Variants in RINL observed in about 807,000 individuals in gnomAD.
RINL encodes ras and Rab interactor-like protein.
Under a neutral mutation model 58.1 loss-of-function variants are expected in RINL, and 39 were observed. The observed-to-expected ratio is 0.67, with a 90% CI of 0.52 to 0.88. The LOEUF is 0.88. RINL is among the 40% of genes least tolerant of loss of function. RINL has a pLI of 0.00. For synonymous variants in RINL, 286 were observed against 323.1 expected (o/e 0.89, Z 1.23); for missense variants, 711 against 749.2 (o/e 0.95, Z 0.60).
Position 38,869,691 on chromosome 19 carries a change from G to A in RINL, c.1356C>T (p.Ala452=), listed in dbSNP as rs1044883027. The change falls in exon 10 of 12, where the codon GCC becomes GCT. Residue 452 remains alanine (A), a synonymous_variant. Transcript: ENST00000591812. The surrounding 1 kb of genome is among the most constrained non-coding windows in gnomAD (Gnocchi z 5.7). The part of the protein sequence containing the change: ...ARGENQDPLG[A]DAFLPALTEE... ...CGGTCAGCGCCGGCAGGAAGGCGTC[G>A]GCCCCCAGGGGATCTGGGAAAACCA... 1.2e-6 allele frequency: 2 copies of A among 1,613,726 alleles called. No individual in the cohort carries two copies. The highest frequency in any genetic ancestry group is 3.3e-5 in the Admixed American group (2 of 59,998).
intron 1 of RINL, among the ~76,000 whole-genome samples, 188 bp downstream of exon 1, chr19:38,878,044 C>G (rs1306682120): frequency 6.6e-6 from 1 of 152,078 alleles, no homozygotes; most frequent in Non-Finnish European, 1.5e-5. Context: ...AGGTGCCCTG[C>G]CCAGGCAAGA....
At chr19:38,876,904 G>T in intron 1 of RINL, 123 bp from the exon 2 acceptor site, 1 of 620,414 alleles carries the variant, frequency 1.6e-6, no homozygotes, top group South Asian at 1.9e-5. Flanking sequence ...GCTTGCCGTG[G>T]CAGGGGTTAA....
At chr19:38,872,838 C>G (rs1005777168) in intron 4 of RINL, among the ~76,000 whole-genome samples, 5 of 152,018 alleles carry the variant, frequency 3.3e-5, no homozygotes, top group African/African-American at 4.8e-5. Context: ...TGTAACAAAC[C>G]TGCACATTCT....
rs1421900438 is a variant in RINL, at chr19:38,870,660, C to T, written c.934G>A (p.Asp312Asn). 2 of 1,613,636 alleles carry T rather than the reference C, an allele frequency of 1.2e-6. No individual in the cohort carries two copies. The highest frequency in any genetic ancestry group is 1.1e-5 in the South Asian group (1 of 91,070). The change falls in exon 8 of 12, where the codon GAC (aspartate) becomes AAC (asparagine). Residue 312 changes from aspartate to asparagine, a missense_variant. Asp to Asn is a conservative substitution (Grantham distance 23). Transcript: ENST00000591812. This position sits in a 1 kb window ranked among gnomAD's most constrained non-coding sequence, Gnocchi z 5.8. ...TCCTTTGCCAGGTGATCCTGGAGGT[C>T]AGTAAGGAGGTGCCGCACATCCTGA... ...LLQDVRHLLT[D>N]LQDHLAKDSY...
Position 38,873,948 on chromosome 19 carries a change from A to G in RINL, c.251T>C (p.Val84Ala). ...VTGRDPSQAL[V>A]LRSGPLPGEV... ...TCCTGGTAAAGGTCCTGACCTCAAC[A>G]CCAGGGCCTGGCTGGGGTCACGTCC... Residue 84 changes from valine (V) to alanine (A), a missense_variant, in exon 4 of 12, where the codon GTG (valine) becomes GCG (alanine). Transcript: ENST00000591812. The G allele has an allele frequency of 2.0e-6, 3 of 1,535,872 alleles. No homozygotes were observed. The highest frequency in any genetic ancestry group is 2.6e-6 in the Non-Finnish European group (3 of 1,146,772).
At chr19:38,877,973 T>C (rs1972978639) in intron 1 of RINL, among the ~76,000 whole-genome samples, 1 of 152,134 alleles carries the variant, frequency 6.6e-6, no homozygotes, top group African/African-American at 2.4e-5. Flanking sequence ...ACAAATACAT[T>C]AGGCCATTGA....
At chr19:38,873,806 G>A (rs1269463260) in intron 4 of RINL, 80 bp downstream of exon 4, 2 of 881,544 alleles carry the variant, frequency 2.3e-6, no homozygotes, top group African/African-American at 1.7e-5. Flanking sequence ...GATTACAGGC[G>A]TGAGCCACCG....
chr19:38,877,625 T>A (rs1449500673), intron 1 of RINL, among the ~76,000 whole-genome samples: 1 of 152,202 alleles, frequency 6.6e-6, no homozygotes, highest in Non-Finnish European at 1.5e-5. Context: ...ATTTTACTCA[T>A]CTTGCTTTAT....
chr19:38,868,859 G>A lies in RINL; in HGVS notation c.*245C>T. 1 of 428,846 alleles carries A rather than the reference G, an allele frequency of 2.3e-6. No individual in the cohort carries two copies. Among genetic ancestry groups the A allele is most frequent in the South Asian group, 4.1e-5 (1 of 24,658 alleles). 26.6% of individuals were successfully genotyped at this position (428,846 alleles called of 1,614,324 possible). A position where few individuals can be genotyped will look rare whatever the true frequency, so the allele number is the denominator to read the frequency against. On this transcript the variant is annotated 3_prime_UTR_variant, in exon 12 of 12. Coordinates refer to ENST00000591812, the MANE Select transcript of RINL (RefSeq NM_001195833.2). ...CCCCTCCCCTCCTTCAGGCCTTTCT[G>A]CAGATGTCACCTCAGTGAGGCTTTC...
At chr19:38,875,686 A>AAG (rs1007493906) in intron 3 of RINL, among the ~76,000 whole-genome samples, 1 of 151,622 alleles carries the variant, frequency 6.6e-6, no homozygotes, top group African/African-American at 2.4e-5. Context: ...AATTAAAAAA[A>AAG]AAAAGAAAAG....
At position 38,870,666 on chromosome 19, in the gene RINL, G is replaced by A; in HGVS notation, c.928C>T (p.Leu310Phe). The A allele has an allele frequency of 6.2e-7, 1 of 1,613,788 alleles. No individual in the cohort carries two copies. Among genetic ancestry groups the A allele is most frequent in the Non-Finnish European group, 8.5e-7 (1 of 1,179,902 alleles). ...TELLQDVRHL[L>F]TDLQDHLAKD... ...GCCAGGTGATCCTGGAGGTCAGTAAGGAGGTGCCGCACATCCTGAAGCAGC... is the reference window on the plus strand; with the variant it reads ...GCCAGGTGATCCTGGAGGTCAGTAAAGAGGTGCCGCACATCCTGAAGCAGC... The change falls in exon 8 of 12, where the codon CTT (leucine) becomes TTT (phenylalanine). Residue 310 changes from leucine to phenylalanine, a missense_variant. Coordinates refer to ENST00000591812, the MANE Select transcript of RINL (RefSeq NM_001195833.2). The surrounding 1 kb of genome is among the most constrained non-coding windows in gnomAD (Gnocchi z 5.8).
chr19:38,872,889 T>TAA (rs1972844433), intron 4 of RINL, among the ~76,000 whole-genome samples: 1 of 149,098 alleles, frequency 6.7e-6, no homozygotes, highest in Admixed American at 6.7e-5. Context: ...AAAAAATAAA[T>TAA]AAATAAAAAT....
chr19:38,876,462 C>T lies in RINL; in HGVS notation c.79G>A (p.Asp27Asn), dbSNP rs777246039. The change falls in exon 3 of 12, where the codon GAC becomes AAC. Residue 27 changes from aspartate (D) to asparagine (N), a missense_variant. Physicochemically the swap from Asp to Asn is conservative, Grantham distance 23. Transcript: ENST00000591812. ...CTGAGGACCCCTAGAGGGGTCCTGT[C>T]TGCTTTGTTCACCTGTGGTGGGACC... ...RLVPPQVNKA[D>N]RTPLGVLSTL... 1.4e-5 allele frequency: 22 copies of T among 1,536,052 alleles called. 1 individual carries two copies. The South Asian group carries it at 2.3e-4, about 16-fold the overall frequency.
In RINL at chr19:38,877,239, G is replaced by A. The variant is rs549266644; in HGVS notation, c.-39-458C>T. The stretch of plus-strand genomic sequence containing the variant: ...CGGCAGGGGTTAAATCTTTAGTACC[G>A]GATGGTGGGGAATCTGGGGATCCCA... On this transcript the variant is annotated intron_variant, in intron 1 of 11. Transcript: ENST00000591812. Among the ~76,000 whole-genome samples, 3 of 152,284 alleles carry A rather than the reference G, an allele frequency of 2.0e-5. No individual in the cohort carries two copies. The South Asian group carries it at 6.2e-4, about 32-fold the overall frequency.
chr19:38,876,434 G>A lies in RINL; in HGVS notation c.107C>T (p.Thr36Ile). ...ADRTPLGVLS[T>I]LEPLTRLQRT... The stretch of plus-strand genomic sequence containing the variant: ...CTGCAGGCGAGTAAGTGGCTCTAGG[G>A]TGCTGAGGACCCCTAGAGGGGTCCT... The change falls in exon 3 of 12, where the codon ACC becomes ATC. Residue 36 changes from threonine to isoleucine, a missense_variant. Thr to Ile is a moderately conservative substitution (Grantham distance 89). Transcript: ENST00000591812. 1.3e-6 allele frequency: 2 copies of A among 1,536,050 alleles called. No homozygotes were observed. Among genetic ancestry groups the A allele is most frequent in the Non-Finnish European group, 1.7e-6 (2 of 1,146,854 alleles).
In RINL at chr19:38,869,930, A is replaced by G. The variant is rs368850635; in HGVS notation, c.1342+13T>C. On this transcript the variant is annotated intron_variant, in intron 9 of 11. Transcript: ENST00000591812. This position sits in a 1 kb window ranked among gnomAD's most constrained non-coding sequence, Gnocchi z 5.7. ...GCTCTCCCCACCACGCTAGACGTTG[A>G]CCCCTCCCTTACCTTGGTTCTCGCC... 7.4e-4 allele frequency: 1,170 copies of G among 1,588,352 alleles called. 3 individuals carry two copies. The highest frequency in any genetic ancestry group is 1.3e-3 in the Middle Eastern group (8 of 6,034).
chr19:38,868,969 T>TG lies in RINL; in HGVS notation c.*134_*135insC. On this transcript the variant is annotated 3_prime_UTR_variant, in exon 12 of 12. Transcript: ENST00000591812. ...CCACCACGCCCGGCTAATTTTTGTTTTTTTTTTTTTTTGGTAGATGGGGGT... is the reference window on the plus strand; with the variant it reads ...CCACCACGCCCGGCTAATTTTTGTTTGTTTTTTTTTTTTGGTAGATGGGGGT... The TG allele has an allele frequency of 1.3e-6, 1 of 742,356 alleles. No individual in the cohort carries two copies. The allele number at this position is 742,356 out of a possible 1,614,324, so 46.0% of individuals were successfully genotyped here.
At position 38,869,038 on chromosome 19, in the gene RINL, C is replaced by T; in HGVS notation, c.*66G>A. 1 of 1,427,328 alleles carries T rather than the reference C, an allele frequency of 7.0e-7. No individual in the cohort carries two copies. The highest frequency in any genetic ancestry group is 1.3e-5 in the South Asian group (1 of 74,136). 88.4% of individuals were successfully genotyped at this position (1,427,328 alleles called of 1,614,324 possible). A position where few individuals can be genotyped will look rare whatever the true frequency, so the allele number is the denominator to read the frequency against. On this transcript the variant is annotated 3_prime_UTR_variant, in exon 12 of 12. Coordinates refer to ENST00000591812, the MANE Select transcript of RINL (RefSeq NM_001195833.2). The surrounding 1 kb of genome is among the most constrained non-coding windows in gnomAD (Gnocchi z 5.7). Reference sequence around the variant, plus strand: ...CTGGTCTCAAACTCCTGGGCTCAAGCAATCCTCCCACCTTGGCCTCCCAAA... The same window carrying T: ...CTGGTCTCAAACTCCTGGGCTCAAGTAATCCTCCCACCTTGGCCTCCCAAA...
chr19:38,877,576 A>T (rs780787844), intron 1 of RINL, among the ~76,000 whole-genome samples: 2 of 152,222 alleles, frequency 1.3e-5, no homozygotes, highest in Non-Finnish European at 2.9e-5. Flanking sequence ...ATTGTACAGG[A>T]AACATCCCTA....
Sources: allele counts gnomAD v4.1 joint callset (sites outside exome capture counted in the v4.1 genomes callset), GRCh38; gene constraint gnomAD v4.1.1; non-coding constraint Gnocchi (gnomAD v3.1); transcripts MANE v1.5; gene names NCBI Gene and HGNC (gene_info 2026-07-23, HGNC 2026-07-21).